Variants in STXBP5L observed in about 807,000 individuals in gnomAD.
STXBP5L encodes syntaxin binding protein 5L.
STXBP5L carries 65 observed loss-of-function variants against 144.5 expected under a neutral mutation model. The ratio of observed to expected loss-of-function variants is 0.45; its 90% confidence interval spans 0.37 to 0.55. The LOEUF (loss-of-function observed/expected upper bound fraction) is 0.55. STXBP5L is among the 20% of genes least tolerant of loss of function. The pLI, the probability that STXBP5L is intolerant of heterozygous loss-of-function variation, is 0.00. For missense variants in STXBP5L, 1,298 were observed against 1,405.5 expected (o/e 0.92, Z 1.22); for synonymous variants, 505 against 469.6 (o/e 1.08, Z -0.97).
intron 3 of STXBP5L, among the ~76,000 whole-genome samples, chr3:121,006,077 G>A (rs1358900027): frequency 6.6e-6 from 1 of 152,130 alleles, no homozygotes; most frequent in African/African-American, 2.4e-5. Flanking sequence ...TCTGCTTGGT[G>A]CAGAGCTGAG....
intron 20 of STXBP5L, among the ~76,000 whole-genome samples, chr3:121,325,177 C>G (rs540080876): frequency 1.3e-5 from 2 of 152,088 alleles, no homozygotes; most frequent in East Asian, 3.9e-4. Context: ...GCACAGCCTC[C>G]TGAAATTAGG....
At chr3:121,404,793 AC>A (rs2046958949) in intron 22 of STXBP5L, among the ~76,000 whole-genome samples, 1 of 152,106 alleles carries the variant, frequency 6.6e-6, no homozygotes, top group African/African-American at 2.4e-5. Context: ...GGTTTCCTGA[AC>A]CCTAATTCCC....
intron 15 of STXBP5L, among the ~76,000 whole-genome samples, chr3:121,251,135 T>C (rs1400754096): frequency 6.6e-6 from 1 of 152,198 alleles, no homozygotes; most frequent in Non-Finnish European, 1.5e-5. Flanking sequence ...TTCACTTTTT[T>C]TTCCCCACTC....
chr3:121,015,581 G>A (rs763938853), intron 3 of STXBP5L, among the ~76,000 whole-genome samples: 33 of 152,066 alleles, frequency 2.2e-4, no homozygotes, highest in Non-Finnish European at 3.5e-4. Context: ...TGAAATGTTC[G>A]GGAACCCCCA....
chr3:120,980,387 T>C (rs1941624336), intron 3 of STXBP5L, among the ~76,000 whole-genome samples: 2 of 152,152 alleles, frequency 1.3e-5, no homozygotes, highest in Middle Eastern at 3.2e-3. Context: ...TTTATGAATA[T>C]GGGTGCTCTA....
chr3:121,297,615 G>T (rs1352801432), intron 19 of STXBP5L, among the ~76,000 whole-genome samples: 1 of 152,132 alleles, frequency 6.6e-6, no homozygotes, highest in Non-Finnish European at 1.5e-5. Context: ...TTAGCTGGGT[G>T]TGGTGGCTCA....
chr3:121,159,647 T>TTTAG (rs1371412121), intron 9 of STXBP5L, among the ~76,000 whole-genome samples: 1 of 149,652 alleles, frequency 6.7e-6, no homozygotes, highest in Non-Finnish European at 1.5e-5. Context: ...TTTTTTTTTT[T>TTTAG]GAGACGGAGT....
intron 7 of STXBP5L, among the ~76,000 whole-genome samples, chr3:121,135,543 T>C (rs2045210622): frequency 6.6e-6 from 1 of 152,182 alleles, no homozygotes; most frequent in African/African-American, 2.4e-5. Context: ...CATCAGGAAT[T>C]AGATACTCAC....
chr3:121,018,523 CA>C (rs139946627), intron 3 of STXBP5L, among the ~76,000 whole-genome samples: 18,068 of 101,628 alleles, frequency 0.18, 977 homozygotes, highest in Non-Finnish European at 0.19. Context: ...ATCCATATAC[CA>C]AAAAAAAAAA....
intron 3 of STXBP5L, among the ~76,000 whole-genome samples, chr3:120,983,306 CG>C (rs1941977899): frequency 6.6e-6 from 1 of 152,004 alleles, no homozygotes; most frequent in South Asian, 2.1e-4. Flanking sequence ...ATATGTATAT[CG>C]GGGCAGGCGT....
intron 11 of STXBP5L, among the ~76,000 whole-genome samples, chr3:121,231,903 C>T (rs920141551): frequency 1.3e-5 from 2 of 152,180 alleles, no homozygotes; most frequent in Non-Finnish European, 2.9e-5. Context: ...AGACAAACCA[C>T]AGCATTTTGG....
chr3:121,225,587 C>T (rs115192763), intron 11 of STXBP5L, among the ~76,000 whole-genome samples: 199 of 152,104 alleles, frequency 1.3e-3, no homozygotes, highest in African/African-American at 3.6e-3. Context: ...TAGAGACTAC[C>T]ACAAATGTGT....
intron 7 of STXBP5L, among the ~76,000 whole-genome samples, chr3:121,137,522 G>T (rs1161837448): frequency 1.3e-5 from 2 of 152,054 alleles, no homozygotes; most frequent in African/African-American, 4.8e-5. Context: ...GAACATAGAT[G>T]CAAAACGTTT....
intron 2 of STXBP5L, among the ~76,000 whole-genome samples, chr3:120,949,968 T>C (rs1025405449): frequency 1.3e-5 from 2 of 151,968 alleles, no homozygotes; most frequent in Admixed American, 6.6e-5. Context: ...CTTGTGTTTT[T>C]GGTGTTTTAT....
At chr3:121,387,415 C>G (rs1022170283) in intron 22 of STXBP5L, among the ~76,000 whole-genome samples, 5 of 152,168 alleles carry the variant, frequency 3.3e-5, no homozygotes, top group African/African-American at 1.2e-4. Context: ...TTAATTAGAT[C>G]CCATTTGTCT....
chr3:121,385,494 A>G (rs2046407426), intron 22 of STXBP5L, among the ~76,000 whole-genome samples: 1 of 152,186 alleles, frequency 6.6e-6, no homozygotes, highest in Non-Finnish European at 1.5e-5. Context: ...TACCTCCAAC[A>G]TTGGAGATTA....
chr3:121,276,794 G>A (rs1432277422), intron 18 of STXBP5L, among the ~76,000 whole-genome samples: 1 of 151,298 alleles, frequency 6.6e-6, no homozygotes, highest in Non-Finnish European at 1.5e-5. Flanking sequence ...GTTGTTTTCA[G>A]CAATATGATT....
chr3:121,107,553 A>G (rs571695643), intron 5 of STXBP5L, among the ~76,000 whole-genome samples: 94 of 151,972 alleles, frequency 6.2e-4, no homozygotes, highest in African/African-American at 2.0e-3. Context: ...TCTGAGATCT[A>G]TATTCTGTTC....
chr3:121,405,048 GGA>G (rs1018722061), intron 22 of STXBP5L, among the ~76,000 whole-genome samples: 62 of 151,234 alleles, frequency 4.1e-4, no homozygotes, highest in African/African-American at 1.3e-3. Flanking sequence ...ATAGGGAGGG[GGA>G]GAGAGAGAGA....
Sources: allele counts gnomAD v4.1 joint callset (sites outside exome capture counted in the v4.1 genomes callset), GRCh38; gene constraint gnomAD v4.1.1; transcripts MANE v1.5; gene names NCBI Gene and HGNC (gene_info 2026-07-23, HGNC 2026-07-21).